Variants in MAPKAPK3 observed in about 807,000 individuals in gnomAD.
MAPKAPK3 encodes the protein MAP kinase-activated protein kinase 3.
A neutral mutation model predicts 49.2 loss-of-function variants in MAPKAPK3; 35 were observed. The ratio of observed to expected loss-of-function variants is 0.71; its 90% CI spans 0.54 to 0.94. The LOEUF (loss-of-function observed/expected upper bound fraction) is 0.94. MAPKAPK3 is among the 40% of genes least tolerant of loss of function. The probability of loss-of-function intolerance (pLI) is 0.00; values close to 1 mark genes in which losing one functional copy is unlikely to be tolerated. For missense variants in MAPKAPK3, 398 were observed against 493.1 expected, an observed-to-expected ratio of 0.81 and a Z score of 1.83; for synonymous variants, 178 against 188.7, an observed-to-expected ratio of 0.94 and a Z score of 0.46.
At chr3:50,647,265 G>C (rs1157903191) in intron 10 of MAPKAPK3, 62 bp downstream of exon 10, 12 of 1,405,806 alleles carry the variant, frequency 8.5e-6, no homozygotes, top group Non-Finnish European at 1.2e-5. Flanking sequence ...GGGACTTCAG[G>C]GGGGTGGCTA....
chr3:50,626,230 G>A (rs1043405495), intron 2 of MAPKAPK3, among the ~76,000 whole-genome samples: 5 of 152,208 alleles, frequency 3.3e-5, no homozygotes, highest in Admixed American at 3.3e-4. Flanking sequence ...CCACAGTGAG[G>A]TATAGACAGG....
At chr3:50,647,265 G>A (rs1157903191) in intron 10 of MAPKAPK3, 62 bp downstream of exon 10, 5 of 1,405,806 alleles carry the variant, frequency 3.6e-6, no homozygotes, top group African/African-American at 2.9e-5. Flanking sequence ...GGGACTTCAG[G>A]GGGGTGGCTA....
chr3:50,647,106 C>G lies in MAPKAPK3; in HGVS notation c.916-17C>G. The G allele has an allele frequency of 6.4e-7, 1 of 1,559,390 alleles. No individual in the cohort carries two copies. The highest frequency in any genetic ancestry group is 8.7e-7 in the Non-Finnish European group (1 of 1,150,410). ...GTGCCTCCAGTTTCTAATCCACGGG[C>G]GTGGGGCTCCTTCCAGCAATCGATG... is the stretch of plus-strand genomic sequence containing the variant. On this transcript the variant is annotated splice_polypyrimidine_tract_variant and intron_variant, in intron 9 of 10. Coordinates refer to ENST00000621469, the MANE Select transcript of MAPKAPK3 (RefSeq NM_001243925.2).
At chr3:50,627,335 T>G (rs4234695) in intron 2 of MAPKAPK3, among the ~76,000 whole-genome samples, 145,095 of 152,052 alleles carry the variant, frequency 0.95, 69,643 homozygotes, top group East Asian at 1. Flanking sequence ...CCACTGCTGG[T>G]GCTGATCTTG....
In MAPKAPK3 at chr3:50,647,884, C is replaced by G. The variant is rs2033343226; in HGVS notation, c.997-10C>G. 1 of 1,609,452 alleles carries G rather than the reference C, an allele frequency of 6.2e-7. No homozygotes were observed. Among genetic ancestry groups the G allele is most frequent in the African/African-American group, 1.3e-5 (1 of 74,818 alleles). Reference sequence around the variant, plus strand: ...GACCTCTTAGTGCCCACCATCCTGTCTGTCCCCAGGAGGAGATGACCAGTG... The same window carrying G: ...GACCTCTTAGTGCCCACCATCCTGTGTGTCCCCAGGAGGAGATGACCAGTG... On this transcript the variant is annotated splice_polypyrimidine_tract_variant and intron_variant, in intron 10 of 10. Coordinates refer to ENST00000621469, the MANE Select transcript of MAPKAPK3 (RefSeq NM_001243925.2).
At position 50,640,398 on chromosome 3, in the gene MAPKAPK3, G is replaced by C. The variant is rs1159952352; in HGVS notation, c.252G>C (p.Glu84Asp). ...ATGACAGCCCCAAGGCCCGGCAGGA[G>C]GTAGACCATCACTGGCAGGCTTCTG... ...LLYDSPKARQEVDHHWQASGG... is the reference protein window; with the variant it reads ...LLYDSPKARQDVDHHWQASGG... The change falls in exon 3 of 11, where the codon GAG (glutamate) becomes GAC (aspartate). Residue 84 changes from glutamate to aspartate, a missense_variant. Physicochemically the swap from Glu to Asp is conservative, Grantham distance 45. Coordinates refer to ENST00000621469, the MANE Select transcript of MAPKAPK3 (RefSeq NM_001243925.2). 1 of 1,614,148 alleles carries C rather than the reference G, an allele frequency of 6.2e-7. No individual in the cohort carries two copies. The highest frequency in any genetic ancestry group is 8.5e-7 in the Non-Finnish European group (1 of 1,180,002).
intron 2 of MAPKAPK3, among the ~76,000 whole-genome samples, chr3:50,640,025 A>C (rs1435967837): frequency 6.6e-6 from 1 of 152,310 alleles, no homozygotes; most frequent in Non-Finnish European, 1.5e-5. Flanking sequence ...TTGGGGTCCC[A>C]TGGCTGCTGT....
upstream of MAPKAPK3, among the ~76,000 whole-genome samples, chr3:50,615,818 C>A (rs1261349160): frequency 1.3e-5 from 2 of 152,254 alleles, no homozygotes; most frequent in Non-Finnish European, 2.9e-5. Flanking sequence ...AGAGCCCCAA[C>A]CCCATCTCCA....
intron 2 of MAPKAPK3, among the ~76,000 whole-genome samples, chr3:50,634,215 C>T (rs1484021410): frequency 6.6e-6 from 1 of 152,216 alleles, no homozygotes; most frequent in Non-Finnish European, 1.5e-5. Context: ...TCAGTGGGGA[C>T]CCACACCTCA....
At chr3:50,616,854 G>C (rs2032475999), upstream of MAPKAPK3, among the ~76,000 whole-genome samples, 1 of 151,966 alleles carries the variant, frequency 6.6e-6, no homozygotes, top group African/African-American at 2.4e-5. Context: ...GACGTCCTGC[G>C]CTGTCACGTT....
At chr3:50,611,747 C>T (rs1182858291), upstream of MAPKAPK3, 1 of 1,380,950 alleles carries the variant, frequency 7.2e-7, no homozygotes, top group Non-Finnish European at 9.4e-7. Context: ...GGTAGGCTCC[C>T]GGGGCGCGCG....
chr3:50,626,334 AT>A (rs2032741521), intron 2 of MAPKAPK3, among the ~76,000 whole-genome samples: 1 of 152,096 alleles, frequency 6.6e-6, no homozygotes, highest in East Asian at 1.9e-4. Context: ...ACCTACCGCC[AT>A]TTTTACAGAG....
At chr3:50,618,904 T>C (rs940677105) in intron 2 of MAPKAPK3, among the ~76,000 whole-genome samples, 1 of 152,340 alleles carries the variant, frequency 6.6e-6, no homozygotes, top group South Asian at 2.1e-4. Context: ...TTGGCCAGGA[T>C]GGTCTCGATC....
chr3:50,646,998 G>T (rs1459199953), intron 9 of MAPKAPK3, 125 bp from the exon 10 acceptor site: 7 of 1,063,846 alleles, frequency 6.6e-6, no homozygotes, highest in Admixed American at 4.3e-5. Context: ...CCCTAGTGAG[G>T]CTCCTTCCCC....
chr3:50,616,619 AGGG>A (rs2032468449), upstream of MAPKAPK3, among the ~76,000 whole-genome samples: 1 of 152,172 alleles, frequency 6.6e-6, no homozygotes, highest in East Asian at 1.9e-4. Flanking sequence ...AGCTGCAAAA[AGGG>A]GGCAGTCGCC....
At chr3:50,647,800 A>C (rs2033339785) in intron 10 of MAPKAPK3, 94 bp from the exon 11 acceptor site, 1 of 1,246,220 alleles carries the variant, frequency 8.0e-7, no homozygotes, top group Admixed American at 2.2e-5. Flanking sequence ...ACAGGCTGTC[A>C]CTGACATTAA....
At chr3:50,632,843 G>A (rs1010267445) in intron 2 of MAPKAPK3, among the ~76,000 whole-genome samples, 3 of 152,334 alleles carry the variant, frequency 2.0e-5, no homozygotes, top group Non-Finnish European at 4.4e-5. Context: ...GTGAGAGATG[G>A]AGATACTGTG....
Position 50,617,253 on chromosome 3 carries a change from CT to C in MAPKAPK3, c.-53+13del, listed in dbSNP as rs2032491407. ...TGCGTTGCCGCCAGGTACGCCCTCG[CT>C]GGGCCCCCTCTGCGGCCTCCTCCGG... On this transcript the variant is annotated intron_variant, in intron 1 of 10. Transcript: ENST00000621469. 1 of 270,306 alleles carries C rather than the reference CT, an allele frequency of 3.7e-6. No individual in the cohort carries two copies. The highest frequency in any genetic ancestry group is 6.5e-5 in the East Asian group (1 of 15,424). The allele number at this position is 270,306 out of a possible 1,614,324, so 16.7% of individuals were successfully genotyped here. A position where few individuals can be genotyped will look rare whatever the true frequency, so the allele number is the denominator to read the frequency against.
intron 5 of MAPKAPK3, 83 bp downstream of exon 5, chr3:50,642,415 C>T: frequency 2.0e-6 from 2 of 1,005,296 alleles, no homozygotes; most frequent in Non-Finnish European, 1.6e-6. Context: ...CCAGGACCCA[C>T]TGGATGGAGG....
Sources: allele counts gnomAD v4.1 joint callset (sites outside exome capture counted in the v4.1 genomes callset), GRCh38; gene constraint gnomAD v4.1.1; transcripts MANE v1.5; gene names NCBI Gene and HGNC (gene_info 2026-07-23, HGNC 2026-07-21).